The following VGLL4 variants were observed in gnomAD, a reference collection of about 807,000 sequenced individuals.
VGLL4 encodes the protein transcription cofactor vestigial-like protein 4.
VGLL4 carries 7 observed loss-of-function variants against 21.0 expected under a neutral mutation model. That is an observed-to-expected ratio of 0.33 (90% CI 0.19 to 0.63). The LOEUF (loss-of-function observed/expected upper bound fraction) is 0.63, where lower values mean the gene tolerates loss of function less well. Ranked by LOEUF, VGLL4 falls within the 20% of genes least tolerant of loss-of-function variation. The pLI is 0.78. For synonymous variants in VGLL4, 222 were observed against 173.2 expected (o/e 1.28, Z -2.21); for missense variants, 394 against 425.7 (o/e 0.93, Z 0.66).
Position 11,558,651 on chromosome 3 carries a change from A to C in VGLL4, c.796T>G (p.Ser266Ala), listed in dbSNP as rs765860021. The C allele has an allele frequency of 5.0e-6, 8 of 1,611,934 alleles. No individual in the cohort carries two copies. In the African/African-American group the frequency reaches 1.1e-4, roughly 22 times the overall value. ...CGAGAGGCGGACTCAGGGCTGCTGG[A>C]TGCTCCGTCCTTGGCCGCTTTGATC... The part of the protein sequence containing the change: ...LQIKAAKDGA[S>A]SSPESASRRG... The change falls in exon 5 of 5, where the codon TCC becomes GCC. Residue 266 changes from serine (S) to alanine (A), a missense_variant. Transcript: ENST00000430365.
At chr3:11,673,254 T>C (rs1039199) in intron 2 of VGLL4, among the ~76,000 whole-genome samples, 36,988 of 151,928 alleles carry the variant, frequency 0.24, 5,944 homozygotes, top group African/African-American at 0.45. Flanking sequence ...TTAAAATATA[T>C]ATATATACCA....
At position 11,674,675 on chromosome 3, in the gene VGLL4, G is replaced by A. The variant is rs185126541; in HGVS notation, c.64+28296C>T. ...AACCTGGAAATGTGAAGGAAAGAAAGGAAACACGGATTAAAAAGGCAAAGA... is the reference window on the plus strand; with the variant it reads ...AACCTGGAAATGTGAAGGAAAGAAAAGAAACACGGATTAAAAAGGCAAAGA... On this transcript the variant is annotated intron_variant, in intron 2 of 5. Coordinates refer to the VGLL4 transcript ENST00000273038. 3.2e-3 allele frequency among the ~76,000 whole-genome samples: 491 copies of A among 152,140 alleles called. 2 individuals are homozygous for A. Among genetic ancestry groups the A allele is most frequent in the Non-Finnish European group, 4.8e-3 (323 of 67,994 alleles).
intron 1 of VGLL4, among the ~76,000 whole-genome samples, chr3:11,703,508 T>C (rs2076713008): frequency 6.6e-6 from 1 of 152,206 alleles, no homozygotes; most frequent in South Asian, 2.1e-4. Flanking sequence ...TTAATTGATA[T>C]TTTAAGTCCA....
chr3:11,625,991 A>T (rs2075345422), intron 1 of VGLL4, among the ~76,000 whole-genome samples: 1 of 152,220 alleles, frequency 6.6e-6, no homozygotes, highest in Non-Finnish European at 1.5e-5. Flanking sequence ...AACTCTGTGA[A>T]TATATTAAAT....
intron 1 of VGLL4, among the ~76,000 whole-genome samples, chr3:11,636,758 G>A (rs2075595878): frequency 6.6e-6 from 1 of 152,208 alleles, no homozygotes; most frequent in South Asian, 2.1e-4. Context: ...CAAGGATGGT[G>A]GGAGGGCTTC....
At chr3:11,704,785 A>G (rs2076735980) in intron 1 of VGLL4, among the ~76,000 whole-genome samples, 2 of 152,216 alleles carry the variant, frequency 1.3e-5, no homozygotes, top group Non-Finnish European at 2.9e-5. Context: ...AGCCATTTTC[A>G]ACCCAAAACG....
At chr3:11,590,139 T>C (rs1337590134) in intron 2 of VGLL4, among the ~76,000 whole-genome samples, 1 of 152,182 alleles carries the variant, frequency 6.6e-6, no homozygotes, top group African/African-American at 2.4e-5. Context: ...TTAGAGCATC[T>C]TGAGAGAAGA....
chr3:11,582,560 T>C (rs1356155302), intron 2 of VGLL4, among the ~76,000 whole-genome samples: 1 of 152,220 alleles, frequency 6.6e-6, no homozygotes, highest in Admixed American at 6.5e-5. Context: ...GCTACACGCA[T>C]CATTACAGTT....
At chr3:11,675,099 T>G (rs1358796707) in intron 2 of VGLL4, among the ~76,000 whole-genome samples, 1 of 152,192 alleles carries the variant, frequency 6.6e-6, no homozygotes, top group Non-Finnish European at 1.5e-5. Context: ...CCCAACACTC[T>G]GGGAGGCCGA....
chr3:11,689,198 C>T (rs1200845439), intron 2 of VGLL4, among the ~76,000 whole-genome samples: 1 of 152,090 alleles, frequency 6.6e-6, no homozygotes, highest in Admixed American at 6.6e-5. Flanking sequence ...TCCTTTGGCT[C>T]ACTTACTTCC....
chr3:11,623,794 G>A (rs1262413019), intron 1 of VGLL4, among the ~76,000 whole-genome samples: 1 of 151,046 alleles, frequency 6.6e-6, no homozygotes, highest in Non-Finnish European at 1.5e-5. Flanking sequence ...AGGTTGGAGT[G>A]CAGTGGTGCC....
At chr3:11,677,908 T>C (rs1176675288) in intron 2 of VGLL4, among the ~76,000 whole-genome samples, 7 of 24,854 alleles carry the variant, frequency 2.8e-4, no homozygotes, top group African/African-American at 7.1e-4. Flanking sequence ...ACTTCGTCTT[T>C]CAAAAAAAAA....
intron 2 of VGLL4, among the ~76,000 whole-genome samples, chr3:11,665,101 C>CTTTTTTTTTTTTTTTTTTTTT (rs59999510): frequency 2.1e-5 from 2 of 96,950 alleles, no homozygotes; most frequent in African/African-American, 4.9e-5. Context: ...GAATATTTTT[C>CTTTTTTTTTTTTTTTTTTTTT]TTTTTTTTTT....
At chr3:11,682,404 C>CAAA (rs34428676) in intron 2 of VGLL4, among the ~76,000 whole-genome samples, 25 of 62,218 alleles carry the variant, frequency 4.0e-4, no homozygotes, top group African/African-American at 1.1e-3. Context: ...GACCCTGTCT[C>CAAA]AAAAAAAAAA....
At position 11,685,344 on chromosome 3, in the gene VGLL4, G is replaced by A. The variant is rs147362442; in HGVS notation, c.64+17627C>T. Among the ~76,000 whole-genome samples the A allele has an allele frequency of 1.0e-3, 154 of 152,128 alleles. 1 individual carries two copies. The highest frequency in any genetic ancestry group is 1.2e-3 in the East Asian group (6 of 5,184). On this transcript the variant is annotated intron_variant, in intron 2 of 5. Coordinates refer to the VGLL4 transcript ENST00000273038. The stretch of plus-strand genomic sequence containing the variant: ...CTCCTGAGTAGCTGGGAATACAGGC[G>A]CGTGCCCCCACAGCTGGCTAATTTT...
rs538775117 is a variant in VGLL4 at position 11,716,795 on chromosome 3, T to G, written c.-14+3599A>C. Among the ~76,000 whole-genome samples, 7 of 150,844 alleles carry G rather than the reference T, an allele frequency of 4.6e-5. 1 individual carries two copies. In the South Asian group the frequency reaches 6.3e-4, roughly 14 times the overall value. ...GCAATCTAGTTCTTATGATACTGGG[T>G]TTTTTTTTGCGGGGGGGTGGTTTAT... On this transcript the variant is annotated intron_variant, in intron 1 of 5. Transcript: ENST00000273038.
intron 2 of VGLL4, among the ~76,000 whole-genome samples, chr3:11,584,727 G>T (rs1049961902): frequency 5.3e-5 from 8 of 152,106 alleles, no homozygotes; most frequent in African/African-American, 7.2e-5. Context: ...GGAAAAAGGG[G>T]CAACTTACTG....
intron 1 of VGLL4, among the ~76,000 whole-genome samples, chr3:11,609,865 G>A (rs551755761): frequency 6.6e-6 from 1 of 152,310 alleles, no homozygotes; most frequent in Non-Finnish European, 1.5e-5. Context: ...GAGAAGGAGA[G>A]GGTAAACTAC....
chr3:11,711,351 AACATGGTGAAACCCCATCCCG>A (rs2125413337), intron 1 of VGLL4, among the ~76,000 whole-genome samples: 1 of 152,060 alleles, frequency 6.6e-6, no homozygotes, highest in South Asian at 2.1e-4. Context: ...CATCCCGGCT[AACATGGTGAAACCCCATCCCG>A]GCTAACATGG....
Sources: gnomAD v4.1 joint callset for allele counts (sites outside exome capture counted in the v4.1 genomes callset) on GRCh38, gnomAD v4.1.1 for gene constraint, MANE v1.5 for transcripts, NCBI Gene and HGNC (gene_info 2026-07-23, HGNC 2026-07-21) for gene names.